Variants in CHRM2 observed in about 807,000 individuals in gnomAD.
CHRM2 encodes the protein muscarinic acetylcholine receptor M2.
In CHRM2, 8 loss-of-function variants were observed where a neutral mutation model predicts 25.0. The ratio of observed to expected loss-of-function variants is 0.32; its 90% CI spans 0.19 to 0.58. The LOEUF is 0.58. Ranked by LOEUF, CHRM2 falls within the 20% of genes least tolerant of loss-of-function variation. The probability of loss-of-function intolerance (pLI) is 0.88; values close to 1 mark genes in which losing one functional copy is unlikely to be tolerated. For synonymous variants in CHRM2, 202 were observed against 205.7 expected, an observed-to-expected ratio of 0.98 and a Z score of 0.15; for missense variants, 440 against 567.1, an observed-to-expected ratio of 0.78 and a Z score of 2.28.
chr7:136,929,030 T>A (rs1313482966), intron 2 of CHRM2, among the ~76,000 whole-genome samples: 1 of 152,162 alleles, frequency 6.6e-6, no homozygotes, highest in African/African-American at 2.4e-5. Flanking sequence ...AGGGCTTCCA[T>A]TCCCCTCCTC....
intron 2 of CHRM2, among the ~76,000 whole-genome samples, chr7:136,983,898 C>T (rs974047695): frequency 6.6e-6 from 1 of 152,184 alleles, no homozygotes; most frequent in Non-Finnish European, 1.5e-5. Flanking sequence ...GTCTCCCCAT[C>T]AGGAGGCCCA....
At chr7:136,974,788 C>T (rs1044729921) in intron 2 of CHRM2, among the ~76,000 whole-genome samples, 6 of 152,034 alleles carry the variant, frequency 3.9e-5, no homozygotes, top group East Asian at 1.9e-4. Context: ...TATTTAAATC[C>T]GTAAGTTACA....
intron 2 of CHRM2, among the ~76,000 whole-genome samples, chr7:136,929,557 C>A (rs1798942055): frequency 6.6e-6 from 1 of 152,112 alleles, no homozygotes; most frequent in African/African-American, 2.4e-5. Flanking sequence ...TATTTTCTCC[C>A]TCCTTCTTGC....
At chr7:136,906,130 CGTTTT>C in intron 2 of CHRM2, among the ~76,000 whole-genome samples, 1 of 148,694 alleles carries the variant, frequency 6.7e-6, no homozygotes, top group Admixed American at 6.7e-5. Flanking sequence ...TATATACACA[CGTTTT>C]GTGTGTATAT....
intron 2 of CHRM2, among the ~76,000 whole-genome samples, chr7:136,958,168 G>A (rs1281152101): frequency 2.0e-5 from 3 of 152,172 alleles, no homozygotes; most frequent in Non-Finnish European, 2.9e-5. Context: ...AGAGGGAAGA[G>A]AACAGCTGGT....
chr7:136,989,371 C>A (rs1488633963), intron 2 of CHRM2, among the ~76,000 whole-genome samples: 1 of 152,044 alleles, frequency 6.6e-6, no homozygotes, highest in African/African-American at 2.4e-5. Context: ...TGATTAATGA[C>A]TGGAGAAGGA....
chr7:136,900,340 A>G (rs1485451984), intron 2 of CHRM2, among the ~76,000 whole-genome samples: 1 of 152,100 alleles, frequency 6.6e-6, no homozygotes, highest in East Asian at 1.9e-4. Flanking sequence ...ATATTATACT[A>G]CATTACTAGA....
intron 2 of CHRM2, among the ~76,000 whole-genome samples, chr7:136,888,746 G>A (rs1264470788): frequency 2.0e-5 from 3 of 152,054 alleles, no homozygotes; most frequent in African/African-American, 4.8e-5. Context: ...GAATATTGGC[G>A]TGCTTGTTCC....
At chr7:136,885,977 G>A (rs1185744067) in intron 2 of CHRM2, among the ~76,000 whole-genome samples, 4 of 152,002 alleles carry the variant, frequency 2.6e-5, no homozygotes, top group Non-Finnish European at 5.9e-5. Flanking sequence ...TGGAAAGGAA[G>A]GCTGAAACAT....
intron 2 of CHRM2, among the ~76,000 whole-genome samples, chr7:136,969,375 C>A (rs1383994443): frequency 6.6e-6 from 1 of 152,124 alleles, no homozygotes; most frequent in African/African-American, 2.4e-5. Flanking sequence ...TCACCTGATT[C>A]CCGGTTATCT....
chr7:136,944,127 A>C (rs1365368901), intron 2 of CHRM2, among the ~76,000 whole-genome samples: 1 of 151,990 alleles, frequency 6.6e-6, no homozygotes, highest in East Asian at 1.9e-4. Context: ...CATTTGGGGA[A>C]CATGTTTGGT....
At position 137,006,397 on chromosome 7, in the gene CHRM2, T is replaced by A. The variant is rs140980960; in HGVS notation, c.-46-8423T>A. The stretch of plus-strand genomic sequence containing the variant: ...TGACACTGTTTTTGGGTAAGTGGTG[T>A]TTAGGATGTGTTTTGAAGAGGAGAA... On this transcript the variant is annotated intron_variant, in intron 3 of 3. Transcript: ENST00000680005. Among the ~76,000 whole-genome samples, 1,393 of 152,128 alleles carry A rather than the reference T, an allele frequency of 9.2e-3. 15 individuals carry two copies. The highest frequency in any genetic ancestry group is 0.013 in the Non-Finnish European group (914 of 67,970).
intron 2 of CHRM2, among the ~76,000 whole-genome samples, chr7:136,896,209 G>C (rs755317474): frequency 3.3e-5 from 5 of 152,122 alleles, no homozygotes; most frequent in African/African-American, 4.8e-5. Context: ...GAGGGGGTAG[G>C]AGTAGATAAC....
chr7:136,890,077 C>G (rs1217005953), intron 2 of CHRM2, among the ~76,000 whole-genome samples: 1 of 152,080 alleles, frequency 6.6e-6, no homozygotes, highest in Non-Finnish European at 1.5e-5. Flanking sequence ...TTTTTTCTAA[C>G]CTGGGATCCT....
intron 2 of CHRM2, among the ~76,000 whole-genome samples, chr7:136,910,599 A>G (rs1266677412): frequency 6.6e-6 from 1 of 151,926 alleles, no homozygotes; most frequent in Non-Finnish European, 1.5e-5. Flanking sequence ...AAGGAACATG[A>G]TTGAAGGTGT....
rs1241561623 is a variant in CHRM2 at position 137,015,359 on chromosome 7, T to C, written c.494T>C (p.Ile165Thr). ...WAPAILFWQF[I>T]VGVRTVEDGE... ...CCAGCCATTCTCTTCTGGCAGTTCATTGTAGGGGTGAGAACTGTGGAGGAT... is the reference window on the plus strand; with the variant it reads ...CCAGCCATTCTCTTCTGGCAGTTCACTGTAGGGGTGAGAACTGTGGAGGAT... The change falls in exon 4 of 4, where the codon ATT becomes ACT. Residue 165 changes from isoleucine (I) to threonine (T), a missense_variant. By Grantham distance (89) the Ile-to-Thr change is moderately conservative. This residue lies in a region of CHRM2 where 261 missense variants were observed against 261.8 expected (regional missense o/e 1.00). Transcript: ENST00000680005. This position sits in a 1 kb window ranked among gnomAD's most constrained non-coding sequence, Gnocchi z 5.1. The C allele has an allele frequency of 3.1e-6, 5 of 1,613,506 alleles. No homozygotes were observed. The highest frequency in any genetic ancestry group is 1.7e-5 in the Admixed American group (1 of 59,952).
intron 2 of CHRM2, among the ~76,000 whole-genome samples, chr7:136,913,623 T>C (rs750750064): frequency 2.6e-5 from 4 of 151,984 alleles, no homozygotes; most frequent in Non-Finnish European, 4.4e-5. Context: ...CAAAACCTAG[T>C]AATTTTTTTT....
chr7:137,011,194 C>CGTGTGT lies in CHRM2; in HGVS notation c.-46-3609_-46-3604dup, dbSNP rs146093146. On this transcript the variant is annotated intron_variant, in intron 3 of 3. Coordinates refer to ENST00000680005, the MANE Select transcript of CHRM2 (RefSeq NM_001006630.2). Reference sequence around the variant, plus strand: ...ACAGAACCAATAGGATATATGTGTACGTGTGTGTGTGTGTGTGTGTGTATA... The same window carrying CGTGTGT: ...ACAGAACCAATAGGATATATGTGTACGTGTGTGTGTGTGTGTGTGTGTGTGTGTATA... Among the ~76,000 whole-genome samples the CGTGTGT allele has an allele frequency of 4.2e-3, 572 of 136,408 alleles. 10 individuals are homozygous for CGTGTGT. The highest frequency in any genetic ancestry group is 0.012 in the African/African-American group (387 of 32,222). 89.5% of individuals were successfully genotyped at this position (136,408 alleles called of 152,430 possible). A position where few individuals can be genotyped will look rare whatever the true frequency, so the allele number is the denominator to read the frequency against.
At chr7:136,968,247 C>G (rs1333927099) in intron 2 of CHRM2, among the ~76,000 whole-genome samples, 1 of 151,932 alleles carries the variant, frequency 6.6e-6, no homozygotes. Flanking sequence ...CTGCCACAGC[C>G]TCTCAAATGA....
Sources: allele counts gnomAD v4.1 joint callset (sites outside exome capture counted in the v4.1 genomes callset), GRCh38; gene constraint gnomAD v4.1.1; regional missense constraint gnomAD v4.1.1; non-coding constraint Gnocchi (gnomAD v3.1); transcripts MANE v1.5; gene names NCBI Gene and HGNC (gene_info 2026-07-23, HGNC 2026-07-21).